RUNX1: variants seen among roughly 807,000 people sequenced by gnomAD.
RUNX1 encodes the protein RUNX family transcription factor 1, also known as runt-related transcription factor 1.
Under a neutral mutation model 42.8 loss-of-function variants are expected in RUNX1, and 19 were observed. That is an observed-to-expected ratio of 0.44 (90% CI 0.31 to 0.65). The LOEUF (loss-of-function observed/expected upper bound fraction) is 0.65, where lower values mean the gene tolerates loss of function less well. RUNX1 is among the 30% of genes least tolerant of loss of function. The probability of loss-of-function intolerance (pLI) is 0.07; values close to 1 mark genes in which losing one functional copy is unlikely to be tolerated. For synonymous variants in RUNX1, 271 were observed against 289.4 expected (o/e 0.94, Z 0.64); for missense variants, 528 against 672.0 (o/e 0.79, Z 2.37).
intron 2 of RUNX1, among the ~76,000 whole-genome samples, chr21:35,016,005 G>A (rs1317915519): frequency 1.3e-5 from 2 of 152,184 alleles, no homozygotes; most frequent in African/African-American, 4.8e-5. Context: ...CATTATGATA[G>A]TATACTTGAT....
chr21:34,853,958 G>A (rs573999808), intron 6 of RUNX1, among the ~76,000 whole-genome samples: 6 of 151,968 alleles, frequency 3.9e-5, no homozygotes, highest in South Asian at 4.1e-4. Context: ...GACTACAGGC[G>A]TGTACCACCA....
intron 2 of RUNX1, among the ~76,000 whole-genome samples, chr21:34,968,072 G>A (rs773284780): frequency 2.6e-5 from 4 of 152,166 alleles, no homozygotes; most frequent in East Asian, 1.9e-4. Context: ...TCCTGCAACT[G>A]TGGCAAGGGC....
intron 2 of RUNX1, among the ~76,000 whole-genome samples, chr21:34,963,709 C>T (rs2058697785): frequency 6.6e-6 from 1 of 152,128 alleles, no homozygotes; most frequent in Admixed American, 6.5e-5. Flanking sequence ...GGAGGCGAGA[C>T]AAGATGTGGA....
chr21:34,922,212 T>C (rs1157677806), intron 2 of RUNX1, among the ~76,000 whole-genome samples: 2 of 152,058 alleles, frequency 1.3e-5, no homozygotes, highest in African/African-American at 4.8e-5. Context: ...AAGCAAGGTG[T>C]GTGCCGGTTC....
At chr21:34,947,389 A>G (rs544658952) in intron 2 of RUNX1, among the ~76,000 whole-genome samples, 1 of 152,214 alleles carries the variant, frequency 6.6e-6, no homozygotes, top group Non-Finnish European at 1.5e-5. Context: ...CAAGGCTTCT[A>G]GGTGGGGCAG....
chr21:34,990,271 A>C (rs2242877), intron 2 of RUNX1, among the ~76,000 whole-genome samples: 37,698 of 152,188 alleles, frequency 0.25, 6,878 homozygotes, highest in African/African-American at 0.51. Context: ...AGAATCTCTA[A>C]AATGAGTTTG....
Position 35,002,382 on chromosome 21 carries a change from T to TTTTA in RUNX1, c.58+46456_58+46459dup, listed in dbSNP as rs149613285. On this transcript the variant is annotated intron_variant, in intron 2 of 8. Coordinates refer to ENST00000675419, the MANE Select transcript of RUNX1 (RefSeq NM_001754.5). Reference sequence around the variant, plus strand: ...TAGTATCATTTTCCCACACAGCACATTTTATTTATTTATTTATTTATTTAT... The same window carrying TTTTA: ...TAGTATCATTTTCCCACACAGCACATTTTATTTATTTATTTATTTATTTATTTAT... 6.6e-3 allele frequency among the ~76,000 whole-genome samples: 935 copies of TTTTA among 141,036 alleles called. 7 individuals are homozygous for TTTTA. Among genetic ancestry groups the TTTTA allele is most frequent in the East Asian group, 0.019 (91 of 4,918 alleles). 92.5% of individuals were successfully genotyped at this position (141,036 alleles called of 152,430 possible). A position where few individuals can be genotyped will look rare whatever the true frequency, so the allele number is the denominator to read the frequency against.
chr21:35,047,174 C>A (rs937099931), intron 2 of RUNX1, among the ~76,000 whole-genome samples: 2 of 152,094 alleles, frequency 1.3e-5, no homozygotes, highest in Admixed American at 1.3e-4. Context: ...AAATAGGAAA[C>A]AATACACGTT....
At chr21:35,019,051 T>G (rs1601679084) in intron 2 of RUNX1, among the ~76,000 whole-genome samples, 1 of 152,228 alleles carries the variant, frequency 6.6e-6, no homozygotes, top group Admixed American at 6.5e-5. Flanking sequence ...AAAGTCTCCA[T>G]AGGTCTCTAC....
Position 35,049,075 on chromosome 21 carries a change from A to T in RUNX1, c.-60+93T>A, listed in dbSNP as rs561233211. ...GGGACTCCCCAAGCCCTATTAAAAA[A>T]TGCACCTTTGTAAAAACAAATATTC... is the stretch of plus-strand genomic sequence containing the variant. On this transcript the variant is annotated intron_variant, in intron 1 of 8. Coordinates refer to ENST00000675419, the MANE Select transcript of RUNX1 (RefSeq NM_001754.5). The T allele has an allele frequency of 1.7e-4, 107 of 634,980 alleles. 1 individual carries two copies. In the Middle Eastern group the frequency reaches 2.1e-3, roughly 13 times the overall value. 39.3% of individuals were successfully genotyped at this position (634,980 alleles called of 1,614,324 possible).
intron 2 of RUNX1, among the ~76,000 whole-genome samples, chr21:35,030,875 T>C (rs929539897): frequency 7.2e-5 from 11 of 151,912 alleles, no homozygotes; most frequent in Non-Finnish European, 1.6e-4. Flanking sequence ...AACAACTCAA[T>C]AGCAAGGAAA....
intron 5 of RUNX1, among the ~76,000 whole-genome samples, chr21:34,874,634 A>AAAAAAAAAAAAC (rs2057788402): frequency 6.8e-6 from 1 of 147,972 alleles, no homozygotes; most frequent in African/African-American, 2.5e-5. Context: ...AAAAAAAAAA[A>AAAAAAAAAAAAC]AGACAGTACA....
intron 2 of RUNX1, among the ~76,000 whole-genome samples, chr21:35,027,277 G>A (rs2059244342): frequency 6.6e-6 from 1 of 152,192 alleles, no homozygotes; most frequent in Admixed American, 6.5e-5. Context: ...TTTAGGCAGG[G>A]CTCCTTAAAC....
rs990018244 is a variant in RUNX1, at chr21:34,901,098, C to G, written c.59-8135G>C. Among the ~76,000 whole-genome samples the G allele has an allele frequency of 6.6e-6, 1 of 152,126 alleles. No individual in the cohort carries two copies. The highest frequency in any genetic ancestry group is 1.5e-5 in the Non-Finnish European group (1 of 68,020). On this transcript the variant is annotated intron_variant, in intron 2 of 8. Transcript: ENST00000675419. The surrounding 1 kb of genome is among the most constrained non-coding windows in gnomAD (Gnocchi z 4.3). ...AATCCATCCTCATCAGAAGAAATAA[C>G]CAAGGAGCGGGAATGTGGGGAGAGG...
intron 2 of RUNX1, among the ~76,000 whole-genome samples, chr21:35,041,854 A>G (rs2059361987): frequency 6.6e-6 from 1 of 152,194 alleles, no homozygotes; most frequent in Non-Finnish European, 1.5e-5. Context: ...TATTTCTATC[A>G]GAGATAAAAA....
chr21:34,827,069 G>A (rs2056998549), intron 7 of RUNX1, among the ~76,000 whole-genome samples: 1 of 152,206 alleles, frequency 6.6e-6, no homozygotes, highest in Non-Finnish European at 1.5e-5. Context: ...CAGAGTGCTG[G>A]TAGAATGCTG....
At chr21:34,887,223 C>T in intron 3 of RUNX1, 127 bp from the exon 4 acceptor site, 1 of 949,786 alleles carries the variant, frequency 1.1e-6, no homozygotes, top group Non-Finnish European at 1.2e-6. Flanking sequence ...CGTTCAGGGG[C>T]CTTTATTACT....
intron 5 of RUNX1, among the ~76,000 whole-genome samples, chr21:34,871,700 C>G (rs1294386328): frequency 6.6e-6 from 1 of 152,198 alleles, no homozygotes; most frequent in Non-Finnish European, 1.5e-5. Flanking sequence ...CAAGCCCATC[C>G]TGTGGGCGGC....
chr21:34,903,491 TAGAA>T (rs1176907010), intron 2 of RUNX1, among the ~76,000 whole-genome samples: 1 of 152,130 alleles, frequency 6.6e-6, no homozygotes, highest in Non-Finnish European at 1.5e-5. Context: ...CAGAATTCCT[TAGAA>T]AGGGAATATA....
Sources: allele counts gnomAD v4.1 joint callset (sites outside exome capture counted in the v4.1 genomes callset), GRCh38; gene constraint gnomAD v4.1.1; non-coding constraint Gnocchi (gnomAD v3.1); transcripts MANE v1.5; gene names NCBI Gene and HGNC (gene_info 2026-07-23, HGNC 2026-07-21).